Variants in TFCP2L1 observed in about 807,000 individuals in gnomAD.
The protein encoded by TFCP2L1 is transcription factor CP2-like protein 1.
TFCP2L1 carries 12 observed loss-of-function variants against 72.2 expected under a neutral mutation model. The ratio of observed to expected loss-of-function variants is 0.17; its 90% CI spans 0.11 to 0.27. TFCP2L1 has a LOEUF of 0.27. TFCP2L1 is among the 10% of genes least tolerant of loss of function. The pLI, the probability that TFCP2L1 is intolerant of heterozygous loss-of-function variation, is 1.00. For synonymous variants in TFCP2L1, 260 were observed against 251.0 expected, an observed-to-expected ratio of 1.04 and a Z score of -0.34; for missense variants, 488 against 624.6, an observed-to-expected ratio of 0.78 and a Z score of 2.33.
chr2:121,259,362 T>C (rs373348125), intron 2 of TFCP2L1, among the ~76,000 whole-genome samples: 2 of 152,084 alleles, frequency 1.3e-5, no homozygotes, highest in South Asian at 2.1e-4. Flanking sequence ...AATAGAGATA[T>C]CCATATCGAT....
At chr2:121,248,061 A>C in intron 5 of TFCP2L1, 103 bp downstream of exon 5, 1 of 861,608 alleles carries the variant, frequency 1.2e-6, no homozygotes, top group Non-Finnish European at 1.8e-6. Flanking sequence ...CAGGGAGCAG[A>C]AGCTCATCCA....
chr2:121,228,276 C>T (rs1686071271), intron 13 of TFCP2L1, among the ~76,000 whole-genome samples: 1 of 152,142 alleles, frequency 6.6e-6, no homozygotes, highest in Non-Finnish European at 1.5e-5. Flanking sequence ...GCAAGCGTTC[C>T]CCACATTTTT....
intron 12 of TFCP2L1, among the ~76,000 whole-genome samples, 154 bp from the exon 13 acceptor site, chr2:121,232,122 G>GTT (rs1573359657): frequency 1.4e-5 from 2 of 140,094 alleles, no homozygotes; most frequent in East Asian, 4.0e-4. Flanking sequence ...GTTTTGTTTT[G>GTT]TTTTGTTTTG....
intron 2 of TFCP2L1, among the ~76,000 whole-genome samples, chr2:121,280,643 C>G (rs922452969): frequency 1.3e-5 from 2 of 151,696 alleles, no homozygotes; most frequent in African/African-American, 4.8e-5. Context: ...CACCTGTGAT[C>G]CCAGCTACTT....
intron 6 of TFCP2L1, among the ~76,000 whole-genome samples, chr2:121,246,041 G>A (rs1686473303): frequency 6.6e-6 from 1 of 152,204 alleles, no homozygotes; most frequent in Non-Finnish European, 1.5e-5. Context: ...TGCCCAGGAG[G>A]TGGGTCCACT....
chr2:121,251,013 C>T (rs1030400295), intron 2 of TFCP2L1, among the ~76,000 whole-genome samples: 4 of 151,770 alleles, frequency 2.6e-5, no homozygotes, highest in African/African-American at 9.7e-5. Flanking sequence ...CCTGTAATCC[C>T]AGCACCCAGC....
chr2:121,285,143 G>GCAGCAAGCGCAGACGCGGGGCGCGC lies in TFCP2L1; in HGVS notation c.-59_-35dup. On this transcript the variant is annotated 5_prime_UTR_variant, in exon 1 of 15. Coordinates refer to ENST00000263707, the MANE Select transcript of TFCP2L1 (RefSeq NM_014553.3). ...CTCCCAGCGCGCCGACCGGGGCGCGGCAGCAAGCGCAGACGCGGGGCGCGC... is the reference window on the plus strand; with the variant it reads ...CTCCCAGCGCGCCGACCGGGGCGCGGCAGCAAGCGCAGACGCGGGGCGCGCCAGCAAGCGCAGACGCGGGGCGCGC... 10 of 1,459,832 alleles carry GCAGCAAGCGCAGACGCGGGGCGCGC rather than the reference G, an allele frequency of 6.9e-6. No homozygotes were observed. Among genetic ancestry groups the GCAGCAAGCGCAGACGCGGGGCGCGC allele is most frequent in the Non-Finnish European group, 8.2e-6 (9 of 1,102,572 alleles). 90.4% of individuals were successfully genotyped at this position (1,459,832 alleles called of 1,614,324 possible).
intron 14 of TFCP2L1, 89 bp from the exon 15 acceptor site, chr2:121,224,476 T>C: frequency 1.4e-6 from 2 of 1,416,884 alleles, no homozygotes; most frequent in Non-Finnish European, 2.0e-6. Context: ...GCTGTTAGGG[T>C]ATCAGCAAAG....
intron 2 of TFCP2L1, among the ~76,000 whole-genome samples, chr2:121,256,172 T>C: frequency 6.6e-6 from 1 of 152,310 alleles, no homozygotes; most frequent in East Asian, 1.9e-4. Flanking sequence ...GACCTAGAAC[T>C]CTCATGAATG....
At chr2:121,274,551 A>G (rs1407670965) in intron 2 of TFCP2L1, among the ~76,000 whole-genome samples, 1 of 152,216 alleles carries the variant, frequency 6.6e-6, no homozygotes, top group Non-Finnish European at 1.5e-5. Flanking sequence ...GCCTCAAAAC[A>G]TCTCATTATG....
At position 121,223,042 on chromosome 2, in the gene TFCP2L1, T is replaced by TTC. The variant is rs1466517166; in HGVS notation, c.*1297_*1298dup. Reference sequence around the variant, plus strand: ...TTGGTTTCCTCATCTATAAAACAAGTTCTCCCCATTGTAGACCCTGTTTTA... The same window carrying TTC: ...TTGGTTTCCTCATCTATAAAACAAGTTCTCTCCCCATTGTAGACCCTGTTTTA... On this transcript the variant is annotated 3_prime_UTR_variant, in exon 15 of 15. Coordinates refer to ENST00000263707, the MANE Select transcript of TFCP2L1 (RefSeq NM_014553.3). 5.3e-5 allele frequency: 8 copies of TTC among 152,320 alleles called. No individual in the cohort carries two copies. Among genetic ancestry groups the TTC allele is most frequent in the African/African-American group, 1.9e-4 (8 of 41,556 alleles). 9.4% of individuals were successfully genotyped at this position (152,320 alleles called of 1,614,324 possible).
At chr2:121,281,849 T>C (rs961031099) in intron 1 of TFCP2L1, among the ~76,000 whole-genome samples, 4 of 150,924 alleles carry the variant, frequency 2.7e-5, no homozygotes, top group African/African-American at 9.8e-5. Flanking sequence ...TGGACACTGT[T>C]TTCAGGGTCA....
At chr2:121,240,716 G>T in intron 7 of TFCP2L1, 2 of 985,390 alleles carry the variant, frequency 2.0e-6, no homozygotes, top group Non-Finnish European at 1.2e-6. Context: ...GTATCAGGAG[G>T]TGGGGAACAC....
At position 121,221,427 on chromosome 2, in the gene TFCP2L1, A is replaced by G. The variant is rs904596755; in HGVS notation, c.*2914T>C. ...AAAAAAAAAAAAAGGTAAGCTTCCC[A>G]ACGACACCATGTCCCAGGAAAGAAG... On this transcript the variant is annotated 3_prime_UTR_variant, in exon 15 of 15. Transcript: ENST00000263707. The G allele has an allele frequency of 1.3e-5, 2 of 152,162 alleles. No homozygotes were observed. Among genetic ancestry groups the G allele is most frequent in the Non-Finnish European group, 2.9e-5 (2 of 68,024 alleles). The allele number at this position is 152,162 out of a possible 1,614,324, so 9.4% of individuals were successfully genotyped here. A position where few individuals can be genotyped will look rare whatever the true frequency, so the allele number is the denominator to read the frequency against.
intron 2 of TFCP2L1, among the ~76,000 whole-genome samples, chr2:121,262,588 A>AGCGT (rs1405331001): frequency 6.6e-6 from 1 of 152,246 alleles, no homozygotes; most frequent in African/African-American, 2.4e-5. Flanking sequence ...ACTCCCCTGC[A>AGCGT]GCGTGGGATC....
At chr2:121,284,703 T>A (rs1687330226) in intron 1 of TFCP2L1, among the ~76,000 whole-genome samples, 1 of 152,146 alleles carries the variant, frequency 6.6e-6, no homozygotes, top group Non-Finnish European at 1.5e-5. Context: ...GCTTCTCCGA[T>A]ACGCGGGGGA....
chr2:121,244,476 T>A (rs1016933141), intron 6 of TFCP2L1, among the ~76,000 whole-genome samples: 1 of 152,064 alleles, frequency 6.6e-6, no homozygotes, highest in Non-Finnish European at 1.5e-5. Context: ...CAGTTTTGGG[T>A]GACTAGGGGC....
At chr2:121,234,311 G>A in intron 11 of TFCP2L1, 117 bp from the exon 12 acceptor site, 1 of 955,076 alleles carries the variant, frequency 1.0e-6, no homozygotes. Context: ...AGACAGCGGT[G>A]GTGACGTGGA....
At chr2:121,236,547 T>A (rs1457064014) in intron 10 of TFCP2L1, among the ~76,000 whole-genome samples, 1 of 152,134 alleles carries the variant, frequency 6.6e-6, no homozygotes, top group South Asian at 2.1e-4. Flanking sequence ...AGGCCACAAT[T>A]CCCACTCCTC....
Sources: allele counts gnomAD v4.1 joint callset (sites outside exome capture counted in the v4.1 genomes callset), GRCh38; gene constraint gnomAD v4.1.1; transcripts MANE v1.5; gene names NCBI Gene and HGNC (gene_info 2026-07-23, HGNC 2026-07-21).